The following SGCZ variants were observed in gnomAD, a reference collection of about 807,000 sequenced individuals.
SGCZ encodes zeta-sarcoglycan.
Under a neutral mutation model 41.3 loss-of-function variants are expected in SGCZ, and 40 were observed. The observed-to-expected ratio is 0.97, with a 90% CI of 0.75 to 1.26. The LOEUF (loss-of-function observed/expected upper bound fraction) is 1.26, where lower values mean the gene tolerates loss of function less well. Among genes scored for constraint, SGCZ ranks in the 50% most tolerant of loss-of-function variants. The pLI is 0.00. For missense variants in SGCZ, 552 were observed against 369.8 expected (o/e 1.49, Z -4.04); for synonymous variants, 206 against 137.5 (o/e 1.50, Z -3.49).
intron 4 of SGCZ, among the ~76,000 whole-genome samples, chr8:14,204,624 T>G (rs1164681992): frequency 1.3e-5 from 2 of 152,268 alleles, no homozygotes; most frequent in East Asian, 1.9e-4. Flanking sequence ...AGTCTTTGAA[T>G]TGACTAGAGA....
chr8:14,453,032 G>T (rs1356308207), intron 2 of SGCZ, among the ~76,000 whole-genome samples: 5 of 152,036 alleles, frequency 3.3e-5, no homozygotes, highest in Non-Finnish European at 5.9e-5. Flanking sequence ...GAACCCAGGA[G>T]GCAGAGGCTG....
chr8:15,149,994 A>T (rs911716472), intron 1 of SGCZ, among the ~76,000 whole-genome samples: 1 of 152,160 alleles, frequency 6.6e-6, no homozygotes, highest in African/African-American at 2.4e-5. Context: ...AGTTAGATGG[A>T]AAAAAATCTG....
intron 1 of SGCZ, among the ~76,000 whole-genome samples, chr8:14,809,730 G>T (rs1801682524): frequency 6.6e-6 from 1 of 152,112 alleles, no homozygotes; most frequent in Non-Finnish European, 1.5e-5. Flanking sequence ...AGTGACCGCA[G>T]TACCCATGAG....
At chr8:14,301,405 C>T (rs1731851490) in intron 3 of SGCZ, among the ~76,000 whole-genome samples, 1 of 151,890 alleles carries the variant, frequency 6.6e-6, no homozygotes, top group African/African-American at 2.4e-5. Context: ...AAAAGCCTAA[C>T]ATCTTTACTG....
chr8:14,742,712 C>A (rs575850667), intron 1 of SGCZ, among the ~76,000 whole-genome samples: 17 of 152,002 alleles, frequency 1.1e-4, no homozygotes, highest in African/African-American at 3.9e-4. Flanking sequence ...CTCATTGATA[C>A]AAATACTCCT....
chr8:14,967,896 C>G (rs1324047905), intron 1 of SGCZ, among the ~76,000 whole-genome samples: 1 of 152,158 alleles, frequency 6.6e-6, no homozygotes, highest in Non-Finnish European at 1.5e-5. Context: ...AACAGCCCTA[C>G]TCCAGGGACA....
rs187957756 is a variant in SGCZ at position 14,811,444 on chromosome 8, A to T, written c.40-256518T>A. On this transcript the variant is annotated intron_variant, in intron 1 of 7. Transcript: ENST00000382080. ...AATAAAACAGCACAAAAACAAAAAC[A>T]AAAACAACCTGGAGATCGTCAGAGA... Among the ~76,000 whole-genome samples, 14 of 151,764 alleles carry T rather than the reference A, an allele frequency of 9.2e-5. No individual in the cohort carries two copies. In the East Asian group the frequency reaches 2.7e-3, roughly 29 times the overall value.
chr8:14,340,564 T>C (rs1802668142), intron 2 of SGCZ, among the ~76,000 whole-genome samples: 1 of 152,132 alleles, frequency 6.6e-6, no homozygotes, highest in Non-Finnish European at 1.5e-5. Context: ...CGAAATGACC[T>C]TTATGTACAA....
intron 1 of SGCZ, among the ~76,000 whole-genome samples, chr8:14,937,370 T>A (rs1346739218): frequency 2.6e-5 from 4 of 152,064 alleles, no homozygotes; most frequent in African/African-American, 2.4e-5. Flanking sequence ...ATTAGCAATT[T>A]TGAAGTTTTA....
chr8:15,231,115 T>G (rs919365860), intron 1 of SGCZ, among the ~76,000 whole-genome samples: 1 of 152,232 alleles, frequency 6.6e-6, no homozygotes, highest in East Asian at 1.9e-4. Context: ...TAACTGCTTC[T>G]GAGCTCCATT....
chr8:14,511,387 A>G (rs1802464855), intron 2 of SGCZ, among the ~76,000 whole-genome samples: 1 of 152,010 alleles, frequency 6.6e-6, no homozygotes, highest in Non-Finnish European at 1.5e-5. Context: ...CAGAGAGATG[A>G]TTTAACAAAA....
rs561660967 is a variant in SGCZ at position 14,123,143 on chromosome 8, A to G, written c.548-14908T>C. 3.7e-4 allele frequency among the ~76,000 whole-genome samples: 56 copies of G among 152,348 alleles called. No individual in the cohort carries two copies. In the South Asian group the frequency reaches 0.012, roughly 32 times the overall value. On this transcript the variant is annotated intron_variant, in intron 5 of 7. Transcript: ENST00000382080. ...GGAAGAATGCAATAAAACTTAACGTACATTTTAAGCCTGAGATTCCAAGAT... is the reference window on the plus strand; with the variant it reads ...GGAAGAATGCAATAAAACTTAACGTGCATTTTAAGCCTGAGATTCCAAGAT...
chr8:14,391,668 G>T (rs980063258), intron 2 of SGCZ, among the ~76,000 whole-genome samples: 1 of 152,052 alleles, frequency 6.6e-6, no homozygotes, highest in South Asian at 2.1e-4. Context: ...TTATGTGATC[G>T]CTTGGATTTA....
At chr8:14,683,883 G>A (rs1024676635) in intron 1 of SGCZ, among the ~76,000 whole-genome samples, 10 of 152,038 alleles carry the variant, frequency 6.6e-5, no homozygotes, top group South Asian at 4.1e-4. Context: ...ACACTTAAAC[G>A]TACCATCAAC....
At chr8:14,420,294 T>C (rs931570812) in intron 2 of SGCZ, among the ~76,000 whole-genome samples, 1 of 152,014 alleles carries the variant, frequency 6.6e-6, no homozygotes, top group African/African-American at 2.4e-5. Flanking sequence ...TGCAGCCACA[T>C]TTTATATTAT....
intron 1 of SGCZ, among the ~76,000 whole-genome samples, chr8:14,952,620 T>C (rs1382669365): frequency 1.3e-5 from 2 of 152,196 alleles, no homozygotes; most frequent in East Asian, 1.9e-4. Flanking sequence ...TTAGTAGAAC[T>C]ATGGCCAGGA....
chr8:14,201,255 G>A (rs922194624), intron 4 of SGCZ, among the ~76,000 whole-genome samples: 2 of 152,046 alleles, frequency 1.3e-5, no homozygotes, highest in South Asian at 4.1e-4. Context: ...ATACAACGTT[G>A]CTATCCCTCC....
At chr8:14,980,340 T>C (rs1286379639) in intron 1 of SGCZ, among the ~76,000 whole-genome samples, 2 of 152,234 alleles carry the variant, frequency 1.3e-5, no homozygotes, top group African/African-American at 4.8e-5. Context: ...ATCAGAGACC[T>C]GGGATACCCA....
intron 4 of SGCZ, among the ~76,000 whole-genome samples, chr8:14,169,481 G>A (rs572857122): frequency 9.9e-5 from 15 of 152,144 alleles, no homozygotes; most frequent in African/African-American, 3.6e-4. Context: ...TACCTTACTT[G>A]ATCTTTTAGG....
Sources: gnomAD v4.1 joint callset for allele counts (sites outside exome capture counted in the v4.1 genomes callset) on GRCh38, gnomAD v4.1.1 for gene constraint, MANE v1.5 for transcripts, NCBI Gene and HGNC (gene_info 2026-07-23, HGNC 2026-07-21) for gene names.